The following FBLN7 variants were observed in gnomAD, a reference collection of about 807,000 sequenced individuals.
FBLN7 encodes fibulin-7.
In FBLN7, 31 loss-of-function variants were observed where a neutral mutation model predicts 44.0. The ratio of observed to expected loss-of-function variants is 0.70; its 90% CI spans 0.53 to 0.95. The LOEUF is 0.95. Ranked by LOEUF, FBLN7 falls within the 40% of genes least tolerant of loss-of-function variation. The probability of loss-of-function intolerance (pLI) is 0.00; values close to 1 mark genes in which losing one functional copy is unlikely to be tolerated. For synonymous variants in FBLN7, 262 were observed against 253.4 expected, an observed-to-expected ratio of 1.03 and a Z score of -0.32; for missense variants, 573 against 618.5, an observed-to-expected ratio of 0.93 and a Z score of 0.78.
chr2:112,140,459 G>A (rs1680584866), intron 1 of FBLN7, among the ~76,000 whole-genome samples: 1 of 152,214 alleles, frequency 6.6e-6, no homozygotes, highest in African/African-American at 2.4e-5. Context: ...CCTGGGCTGG[G>A]GTTCAGTTTT....
chr2:112,172,338 G>T (rs548711307), intron 3 of FBLN7, among the ~76,000 whole-genome samples: 1 of 152,106 alleles, frequency 6.6e-6, no homozygotes, highest in Non-Finnish European at 1.5e-5. Context: ...TTTAGTTAGA[G>T]CAATTTCCTG....
At chr2:112,197,635 C>T in the FBLN7 span, among the ~76,000 whole-genome samples, 1 of 152,320 alleles carries the variant, frequency 6.6e-6, no homozygotes, top group African/African-American at 2.4e-5. Context: ...GGGTCATCCC[C>T]ATCCTAGGGA....
chr2:112,186,277 A>G (rs1305615166), intron 7 of FBLN7, among the ~76,000 whole-genome samples: 1 of 152,170 alleles, frequency 6.6e-6, no homozygotes, highest in Admixed American at 6.5e-5. Context: ...AACATAGAGA[A>G]ATATCGAAAG....
the FBLN7 span, among the ~76,000 whole-genome samples, chr2:112,226,296 T>A: frequency 2.7e-5 from 4 of 150,122 alleles, no homozygotes; most frequent in Non-Finnish European, 5.9e-5. Context: ...AAAATCTAAT[T>A]AAAAAAAAGC....
chr2:112,231,025 C>T, the FBLN7 span: 2 of 926,172 alleles, frequency 2.2e-6, no homozygotes, highest in Non-Finnish European at 2.9e-6. Flanking sequence ...ATATTCATAA[C>T]TTTCAAATGA....
downstream of FBLN7, among the ~76,000 whole-genome samples, chr2:112,192,301 A>G (rs13407329): frequency 0.7 from 106,355 of 152,100 alleles, 37,947 homozygotes; most frequent in African/African-American, 0.85. Context: ...CAATGTATGA[A>G]CATTCTTGTT....
chr2:112,179,626 T>C (rs943370257), intron 4 of FBLN7, among the ~76,000 whole-genome samples: 1 of 152,154 alleles, frequency 6.6e-6, no homozygotes, highest in Non-Finnish European at 1.5e-5. Flanking sequence ...AACAGCATGG[T>C]ACTGGTACAA....
chr2:112,184,665 A>G (rs1446567069), intron 6 of FBLN7, among the ~76,000 whole-genome samples: 1 of 149,730 alleles, frequency 6.7e-6, no homozygotes, highest in African/African-American at 2.4e-5. Flanking sequence ...GGTATATGGT[A>G]TATATATGCT....
chr2:112,234,611 G>A, the FBLN7 span, among the ~76,000 whole-genome samples: 5 of 152,228 alleles, frequency 3.3e-5, no homozygotes, highest in East Asian at 9.6e-4. Context: ...GACCAGCCTG[G>A]CCAACACAGT....
intron 1 of FBLN7, among the ~76,000 whole-genome samples, chr2:112,153,626 G>T (rs1681274618): frequency 6.6e-6 from 1 of 152,240 alleles, no homozygotes; most frequent in Non-Finnish European, 1.5e-5. Flanking sequence ...GCCTGGATGG[G>T]ATGAGAGGGG....
At chr2:112,150,910 A>G (rs1681126260) in intron 1 of FBLN7, among the ~76,000 whole-genome samples, 1 of 152,226 alleles carries the variant, frequency 6.6e-6, no homozygotes, top group African/African-American at 2.4e-5. Flanking sequence ...AAAGTATCAG[A>G]GGGCCAACGA....
chr2:112,201,424 T>G, the FBLN7 span, among the ~76,000 whole-genome samples: 2 of 152,100 alleles, frequency 1.3e-5, no homozygotes, highest in Non-Finnish European at 2.9e-5. Context: ...GTCTCGCATT[T>G]GTTCCAGGGT....
At chr2:112,147,556 C>T (rs1680950680) in intron 1 of FBLN7, among the ~76,000 whole-genome samples, 1 of 152,164 alleles carries the variant, frequency 6.6e-6, no homozygotes. Flanking sequence ...TCTGCCAGGG[C>T]TGCTTGTCCC....
chr2:112,228,703 C>T, the FBLN7 span, among the ~76,000 whole-genome samples: 6 of 152,102 alleles, frequency 3.9e-5, no homozygotes, highest in Non-Finnish European at 7.4e-5. Context: ...AGATACAACA[C>T]GGAAAGCATG....
At chr2:112,201,530 TC>T in the FBLN7 span, among the ~76,000 whole-genome samples, 4 of 152,110 alleles carry the variant, frequency 2.6e-5, no homozygotes, top group Non-Finnish European at 5.9e-5. Context: ...TTTTTTTTCC[TC>T]CCCTGGTTCA....
chr2:112,153,273 C>A (rs1384586207), intron 1 of FBLN7: 2 of 152,182 alleles, frequency 1.3e-5, no homozygotes, highest in African/African-American at 4.8e-5. Flanking sequence ...GTTGCTCGGT[C>A]CTTTCAGAGA....
At chr2:112,229,734 T>A in the FBLN7 span, among the ~76,000 whole-genome samples, 1 of 152,148 alleles carries the variant, frequency 6.6e-6, no homozygotes, top group Non-Finnish European at 1.5e-5. Context: ...TTGTTTTTGC[T>A]AAGCACCATT....
At chr2:112,211,511 A>T in the FBLN7 span, 3 of 152,156 alleles carry the variant, frequency 2.0e-5, no homozygotes, top group African/African-American at 7.2e-5. Flanking sequence ...TCCATAATAA[A>T]CTCCATAACA....
chr2:112,233,877 T>A, the FBLN7 span, among the ~76,000 whole-genome samples: 13 of 152,074 alleles, frequency 8.5e-5, no homozygotes, highest in African/African-American at 1.4e-4. Flanking sequence ...TCAAAAAAAA[T>A]AAATAAATAC....
Sources: gnomAD v4.1 joint callset for allele counts (sites outside exome capture counted in the v4.1 genomes callset) on GRCh38, gnomAD v4.1.1 for gene constraint, MANE v1.5 for transcripts, NCBI Gene and HGNC (gene_info 2026-07-23, HGNC 2026-07-21) for gene names.